ACSS3: variants seen among roughly 807,000 people sequenced by gnomAD.
The protein encoded by ACSS3 is acyl-CoA synthetase short chain family member 3.
In ACSS3, 64 loss-of-function variants were observed where a neutral mutation model predicts 84.2. That is an observed-to-expected ratio of 0.76 (90% CI 0.62 to 0.94). The LOEUF (loss-of-function observed/expected upper bound fraction) is 0.94. Ranked by LOEUF, ACSS3 falls within the 40% of genes least tolerant of loss-of-function variation. The pLI is 0.00. For synonymous variants in ACSS3, 317 were observed against 310.1 expected, an observed-to-expected ratio of 1.02 and a Z score of -0.23; for missense variants, 815 against 867.6, an observed-to-expected ratio of 0.94 and a Z score of 0.76.
At chr12:81,190,391 A>G (rs975861328) in intron 8 of ACSS3, among the ~76,000 whole-genome samples, 1 of 152,014 alleles carries the variant, frequency 6.6e-6, no homozygotes, top group Non-Finnish European at 1.5e-5. Flanking sequence ...GCTATGGTCA[A>G]TGGTATTGTT....
chr12:81,132,637 G>A (rs372904003), intron 2 of ACSS3, among the ~76,000 whole-genome samples: 3 of 151,988 alleles, frequency 2.0e-5, no homozygotes, highest in African/African-American at 7.2e-5. Context: ...CTTCAGTTCT[G>A]CTCTGATCTT....
At chr12:81,194,255 T>G (rs1224816417) in intron 8 of ACSS3, among the ~76,000 whole-genome samples, 2 of 151,812 alleles carry the variant, frequency 1.3e-5, no homozygotes, top group Non-Finnish European at 3.0e-5. Context: ...AAATTATATT[T>G]GATTAAATAT....
chr12:81,137,572 A>G (rs114069497), intron 3 of ACSS3, among the ~76,000 whole-genome samples: 2 of 152,182 alleles, frequency 1.3e-5, no homozygotes, highest in Admixed American at 1.3e-4. Context: ...TAACAGAAGA[A>G]GATGGAAAGG....
chr12:81,174,020 A>G (rs1243162959), intron 7 of ACSS3, among the ~76,000 whole-genome samples: 1 of 152,138 alleles, frequency 6.6e-6, no homozygotes, highest in African/African-American at 2.4e-5. Flanking sequence ...GGTAGCAGTG[A>G]TGAGGACTGA....
intron 4 of ACSS3, among the ~76,000 whole-genome samples, chr12:81,141,691 A>G (rs1256252804): frequency 6.6e-6 from 1 of 152,132 alleles, no homozygotes; most frequent in Non-Finnish European, 1.5e-5. Flanking sequence ...TGTGATCCTC[A>G]ATTTGATGTT....
At chr12:81,224,395 A>C (rs1380441758) in intron 11 of ACSS3, among the ~76,000 whole-genome samples, 1 of 151,938 alleles carries the variant, frequency 6.6e-6, no homozygotes, top group Non-Finnish European at 1.5e-5. Flanking sequence ...ATAAGAAGAA[A>C]GGTGTTAATT....
At chr12:81,208,216 T>C (rs1322307966) in intron 9 of ACSS3, among the ~76,000 whole-genome samples, 2 of 152,190 alleles carry the variant, frequency 1.3e-5, no homozygotes, top group East Asian at 3.9e-4. Context: ...GGTTGCTGCA[T>C]TGATTTATTC....
chr12:81,201,921 C>T (rs11114787), intron 9 of ACSS3, among the ~76,000 whole-genome samples: 39,144 of 151,916 alleles, frequency 0.26, 5,302 homozygotes, highest in East Asian at 0.48. Context: ...GATCTCTATA[C>T]GTTTGCATAG....
Position 81,083,769 on chromosome 12 carries a change from A to C in ACSS3, c.311+5338A>C, listed in dbSNP as rs1593016170. ...GGCAGATGACGACGTCAGGAGATCCAGACCATCCTGGCCAACATGGTGAAA... is the reference window on the plus strand; with the variant it reads ...GGCAGATGACGACGTCAGGAGATCCCGACCATCCTGGCCAACATGGTGAAA... On this transcript the variant is annotated intron_variant, in intron 1 of 15. Coordinates refer to ENST00000548058, the MANE Select transcript of ACSS3 (RefSeq NM_024560.4). Among the ~76,000 whole-genome samples, 3 of 152,144 alleles carry C rather than the reference A, an allele frequency of 2.0e-5. No individual in the cohort carries two copies. In the East Asian group the frequency reaches 5.9e-4, roughly 30 times the overall value.
intron 13 of ACSS3, among the ~76,000 whole-genome samples, chr12:81,245,825 A>G (rs947602138): frequency 6.6e-6 from 1 of 151,710 alleles, no homozygotes. Flanking sequence ...TTAACTTTCT[A>G]CTTGTTAGAA....
At chr12:81,213,957 CTCTT>C (rs59556127) in intron 9 of ACSS3, among the ~76,000 whole-genome samples, 1,527 of 48,978 alleles carry the variant, frequency 0.031, 24 homozygotes, top group Non-Finnish European at 0.041. Flanking sequence ...CTCCCTCTCT[CTCTT>C]TCTTTCTTTC....
intron 13 of ACSS3, among the ~76,000 whole-genome samples, chr12:81,242,946 C>T (rs1156822030): frequency 6.6e-6 from 1 of 152,088 alleles, no homozygotes; most frequent in Non-Finnish European, 1.5e-5. Context: ...TGCAAACTGG[C>T]ACAAGACAGG....
chr12:81,179,795 A>G (rs889546386), intron 8 of ACSS3, among the ~76,000 whole-genome samples: 10 of 151,908 alleles, frequency 6.6e-5, no homozygotes, highest in African/African-American at 2.2e-4. Context: ...AAAAAAAAAA[A>G]AAGGGCAAAG....
chr12:81,147,903 A>G (rs1321210780), intron 5 of ACSS3, among the ~76,000 whole-genome samples: 1 of 152,018 alleles, frequency 6.6e-6, no homozygotes, highest in Non-Finnish European at 1.5e-5. Context: ...ACACATGTAT[A>G]TATATATGTA....
At chr12:81,166,134 A>T (rs1468425228) in intron 7 of ACSS3, among the ~76,000 whole-genome samples, 2 of 152,160 alleles carry the variant, frequency 1.3e-5, no homozygotes, top group Non-Finnish European at 2.9e-5. Context: ...GAGAGGGACA[A>T]TTGGGAAGTC....
chr12:81,188,923 G>A (rs1209204364), intron 8 of ACSS3, among the ~76,000 whole-genome samples: 1 of 151,956 alleles, frequency 6.6e-6, no homozygotes, highest in Non-Finnish European at 1.5e-5. Context: ...CCATTTTTGT[G>A]GTGAGAACAC....
At chr12:81,150,291 C>T (rs1886544403) in intron 5 of ACSS3, among the ~76,000 whole-genome samples, 1 of 152,154 alleles carries the variant, frequency 6.6e-6, no homozygotes, top group Admixed American at 6.5e-5. Flanking sequence ...TTAAGTATCA[C>T]CATCTGTCAT....
intron 8 of ACSS3, among the ~76,000 whole-genome samples, chr12:81,194,336 G>A (rs2031724037): frequency 6.6e-6 from 1 of 151,580 alleles, no homozygotes; most frequent in African/African-American, 2.4e-5. Context: ...TTCTGTTTAT[G>A]TTCCTTAGTA....
In ACSS3 at chr12:81,143,095, T is replaced by C. The variant is rs751901271; in HGVS notation, c.781-12T>C. ...TTATTACAGTACATATTCTTATATT[T>C]TTGCTGTGTAGGAGGCGGTTCCTTT... is the stretch of plus-strand genomic sequence containing the variant. On this transcript the variant is annotated splice_polypyrimidine_tract_variant and intron_variant, in intron 4 of 15. Coordinates refer to ENST00000548058, the MANE Select transcript of ACSS3 (RefSeq NM_024560.4). 6.2e-7 allele frequency: 1 copy of C among 1,607,726 alleles called. No homozygotes were observed. The highest frequency in any genetic ancestry group is 8.5e-7 in the Non-Finnish European group (1 of 1,176,024).
Sources: gnomAD v4.1 joint callset for allele counts (sites outside exome capture counted in the v4.1 genomes callset) on GRCh38, gnomAD v4.1.1 for gene constraint, MANE v1.5 for transcripts, NCBI Gene and HGNC (gene_info 2026-07-23, HGNC 2026-07-21) for gene names.